The following ERICH3 variants were observed in gnomAD, a reference collection of about 807,000 sequenced individuals.
ERICH3 encodes glutamate-rich protein 3.
In ERICH3, 126 loss-of-function variants were observed where a neutral mutation model predicts 131.1. The ratio of observed to expected loss-of-function variants is 0.96; its 90% CI spans 0.83 to 1.11. The LOEUF (loss-of-function observed/expected upper bound fraction) is 1.11, where lower values mean the gene tolerates loss of function less well. Ranked by LOEUF, ERICH3 falls within the 50% of genes most tolerant of loss-of-function variation. The probability of loss-of-function intolerance (pLI) is 0.00; values close to 1 mark genes in which losing one functional copy is unlikely to be tolerated. For synonymous variants in ERICH3, 695 were observed against 644.6 expected (o/e 1.08, Z -1.18); for missense variants, 2,050 against 1,810.7 (o/e 1.13, Z -2.40).
chr1:74,608,201 A>T (rs138972813), intron 9 of ERICH3, among the ~76,000 whole-genome samples: 88 of 152,112 alleles, frequency 5.8e-4, no homozygotes, highest in African/African-American at 1.9e-3. Context: ...TGAGCTTATC[A>T]CCAAAGAAAG....
intron 9 of ERICH3, among the ~76,000 whole-genome samples, chr1:74,611,516 C>T (rs775864225): frequency 3.9e-5 from 6 of 152,196 alleles, no homozygotes; most frequent in South Asian, 2.1e-4. Flanking sequence ...GCTCAAAACC[C>T]GCTTTAGAAG....
rs182923348 is a variant in ERICH3 at position 74,612,238 on chromosome 1, A to G, written c.1187+385T>C. On this transcript the variant is annotated intron_variant, in intron 9 of 14. Transcript: ENST00000326665. ...CATGTAAATCAGATGCTTGGCACAC[A>G]CTTTAAGGCTCAGTCTAAAACCAGT... Among the ~76,000 whole-genome samples the G allele has an allele frequency of 5.8e-4, 88 of 152,302 alleles. No homozygotes were observed. In the South Asian group the frequency reaches 0.012, roughly 21 times the overall value.
chr1:74,577,002 C>A (rs942817251), intron 12 of ERICH3, 66 bp from the exon 13 acceptor site: 15 of 1,451,586 alleles, frequency 1.0e-5, no homozygotes, highest in African/African-American at 4.3e-5. Context: ...CCATGGTTCT[C>A]CATCTCTCCA....
At chr1:74,636,588 C>T in intron 5 of ERICH3, 150 bp from the exon 6 acceptor site, 1 of 721,692 alleles carries the variant, frequency 1.4e-6, no homozygotes. Flanking sequence ...ATTATACATA[C>T]CCTTATGACC....
chr1:74,612,193 C>T (rs1648729162), intron 9 of ERICH3, among the ~76,000 whole-genome samples: 1 of 152,128 alleles, frequency 6.6e-6, no homozygotes, highest in African/African-American at 2.4e-5. Flanking sequence ...CTCTAAAAGG[C>T]ATAACCGAAA....
chr1:74,573,555 T>A, intron 13 of ERICH3, 64 bp from the exon 14 acceptor site: 2 of 1,432,532 alleles, frequency 1.4e-6, no homozygotes, highest in Non-Finnish European at 9.1e-7. Flanking sequence ...GGGGACACTA[T>A]AATCTTATAT....
At chr1:74,582,083 C>T (rs980104581) in intron 12 of ERICH3, among the ~76,000 whole-genome samples, 1 of 152,086 alleles carries the variant, frequency 6.6e-6, no homozygotes, top group Non-Finnish European at 1.5e-5. Context: ...AGACTCTCTA[C>T]CCACCAGTGT....
At chr1:74,629,305 C>A (rs1180979598) in intron 7 of ERICH3, among the ~76,000 whole-genome samples, 1 of 151,510 alleles carries the variant, frequency 6.6e-6, no homozygotes, top group African/African-American at 2.4e-5. Context: ...AGCTAAGAAT[C>A]TTAGAGCATC....
chr1:74,646,718 A>G lies in ERICH3; in HGVS notation c.192T>C (p.Tyr64=). The G allele has an allele frequency of 6.7e-7, 1 of 1,493,530 alleles. No homozygotes were observed. Among genetic ancestry groups the G allele is most frequent in the Non-Finnish European group, 9.1e-7 (1 of 1,102,980 alleles). The allele number at this position is 1,493,530 out of a possible 1,614,324, so 92.5% of individuals were successfully genotyped here. ...TTGCCTGGGCTAAGCATTCCCGGAT[A>G]TATTTTTGATGATCCCGCTTCATCA... ...LNMMKRDHQK[Y]IRECLAQAIF... The change falls in exon 3 of 15, where the codon TAT becomes TAC. Residue 64 remains tyrosine (Y), a synonymous_variant. Coordinates refer to ENST00000326665, the MANE Select transcript of ERICH3 (RefSeq NM_001002912.5).
In ERICH3 at chr1:74,606,741, G is replaced by T. The variant is rs115213075; in HGVS notation, c.1349C>A (p.Thr450Asn). 7.5e-4 allele frequency: 1,209 copies of T among 1,613,336 alleles called. 7 individuals carry two copies. In the African/African-American group the frequency reaches 0.015, roughly 19 times the overall value. ...PKRNEIKENK[T>N]SVSAKFSAQE... ...AGCTGAAAATTTGGCTGAAACAGAG[G>T]TTTTGTTCTCCTTGATCTCATTTCT... The change falls in exon 10 of 15, where the codon ACC becomes AAC. Residue 450 changes from threonine (T) to asparagine (N), a missense_variant. Thr to Asn is a moderately conservative substitution (Grantham distance 65). Transcript: ENST00000326665.
intron 1 of ERICH3, among the ~76,000 whole-genome samples, chr1:74,656,044 C>T (rs2100648955): frequency 6.6e-6 from 1 of 152,250 alleles, no homozygotes; most frequent in South Asian, 2.1e-4. Flanking sequence ...TGCTTTATGA[C>T]CCAACCAGCT....
Position 74,606,891 on chromosome 1 carries a change from G to T in ERICH3, c.1199C>A (p.Ala400Glu). ...RSSPCYKCII[A>E]MGLDKKPSLP... ...AGACGGTTTTTTGTCAAGGCCCATT[G>T]CAATAATGCACCTATGAAAAATATT... is the stretch of plus-strand genomic sequence containing the variant. Residue 400 changes from alanine to glutamate, a missense_variant, in exon 10 of 15, where the codon GCA becomes GAA. Ala to Glu is a moderately radical substitution (Grantham distance 107). Transcript: ENST00000326665. 1.2e-6 allele frequency: 2 copies of T among 1,611,000 alleles called. No individual in the cohort carries two copies. Among genetic ancestry groups the T allele is most frequent in the Non-Finnish European group, 1.7e-6 (2 of 1,178,616 alleles).
intron 11 of ERICH3, among the ~76,000 whole-genome samples, chr1:74,593,389 A>T (rs1242133866): frequency 6.6e-6 from 1 of 152,150 alleles, no homozygotes; most frequent in Non-Finnish European, 1.5e-5. Context: ...CAGCTCAGCT[A>T]CTTAATAGTT....
intron 1 of ERICH3, among the ~76,000 whole-genome samples, chr1:74,662,563 T>TA (rs537643305): frequency 9.2e-5 from 14 of 152,014 alleles, no homozygotes; most frequent in Admixed American, 2.6e-4. Flanking sequence ...ATCATTTTGT[T>TA]AAAAAAAAGG....
At chr1:74,613,399 A>G (rs1648797113) in intron 8 of ERICH3, among the ~76,000 whole-genome samples, 1 of 152,222 alleles carries the variant, frequency 6.6e-6, no homozygotes, top group African/African-American at 2.4e-5. Flanking sequence ...TAATTTACTC[A>G]AGATCATACA....
rs1646435495 is a variant in ERICH3, at chr1:74,641,331, C to A, written c.444G>T (p.Leu148=). 6 of 1,611,164 alleles carry A rather than the reference C, an allele frequency of 3.7e-6. No homozygotes were observed. The Admixed American group carries it at 8.4e-5, about 23-fold the overall frequency. The change falls in exon 5 of 15, where the codon CTG becomes CTT. Residue 148 remains leucine (L), a splice_region_variant and synonymous_variant. Transcript: ENST00000326665. ...VDEGHSSPLA[L]TAPRPYTAPG... is the part of the protein sequence containing the mutation. ...TGACGAAGTGTTTAATATTACTCACCAGTGCTAACGGACTGGAATGTCCTT... is the reference window on the plus strand; with the variant it reads ...TGACGAAGTGTTTAATATTACTCACAAGTGCTAACGGACTGGAATGTCCTT...
intron 12 of ERICH3, among the ~76,000 whole-genome samples, chr1:74,581,148 C>A (rs557385056): frequency 6.6e-6 from 1 of 152,210 alleles, no homozygotes; most frequent in Non-Finnish European, 1.5e-5. Context: ...TTAGGATTTG[C>A]AGATGTTCTA....
rs1327391242 is a variant in ERICH3 at position 74,571,196 on chromosome 1, T to G, written c.4514A>C (p.Glu1505Ala). Residue 1505 changes from glutamate (E) to alanine (A), a missense_variant, in exon 14 of 15, where the codon GAA (glutamate) becomes GCA (alanine). Transcript: ENST00000326665. ...CATATGCTGTTGCTTCTCTCGGGTT[T>G]CAGTGAAATCAGGCTTCACTGGAAG... ...ATLPVKPDFT[E>A]TREKQQHMVQ... 6.2e-7 allele frequency: 1 copy of G among 1,614,024 alleles called. No individual in the cohort carries two copies. The highest frequency in any genetic ancestry group is 8.5e-7 in the Non-Finnish European group (1 of 1,180,022).
intron 7 of ERICH3, among the ~76,000 whole-genome samples, chr1:74,630,723 G>C (rs953678651): frequency 1.3e-5 from 2 of 152,080 alleles, no homozygotes; most frequent in Non-Finnish European, 2.9e-5. Context: ...ACAGAGATGA[G>C]TATTAGAGGA....
Sources: allele counts gnomAD v4.1 joint callset (sites outside exome capture counted in the v4.1 genomes callset), GRCh38; gene constraint gnomAD v4.1.1; transcripts MANE v1.5; gene names NCBI Gene and HGNC (gene_info 2026-07-23, HGNC 2026-07-21).